Variants in KIF1B observed in about 807,000 individuals in gnomAD.
KIF1B encodes the protein kinesin-like protein KIF1B.
A neutral mutation model predicts 241.9 loss-of-function variants in KIF1B; 76 were observed. That is an observed-to-expected ratio of 0.31 (90% CI 0.26 to 0.38). The LOEUF (loss-of-function observed/expected upper bound fraction) is 0.38, where lower values mean the gene tolerates loss of function less well. KIF1B is among the 10% of genes least tolerant of loss of function. The probability of loss-of-function intolerance (pLI) is 1.00; values close to 1 mark genes in which losing one functional copy is unlikely to be tolerated. For synonymous variants in KIF1B, 750 were observed against 796.7 expected (o/e 0.94, Z 0.99); for missense variants, 1,622 against 2,271.4 (o/e 0.71, Z 5.81).
At chr1:10,248,782 T>G (rs1395587649) in intron 2 of KIF1B, among the ~76,000 whole-genome samples, 6 of 152,112 alleles carry the variant, frequency 3.9e-5, no homozygotes, top group South Asian at 2.1e-4. Context: ...AAAGTAGAAC[T>G]GATAGGATAC....
At chr1:10,267,718 T>C (rs773805754) in intron 6 of KIF1B, among the ~76,000 whole-genome samples, 160 bp downstream of exon 6, 3 of 152,120 alleles carry the variant, frequency 2.0e-5, no homozygotes, top group Non-Finnish European at 4.4e-5. Flanking sequence ...GGCTTCAGAG[T>C]GTTAAGTATC....
intron 2 of KIF1B, among the ~76,000 whole-genome samples, chr1:10,243,279 C>T (rs532378741): frequency 1.6e-4 from 25 of 152,146 alleles, no homozygotes; most frequent in Non-Finnish European, 2.2e-4. Flanking sequence ...ATTAGCTGGG[C>T]CTAGTGGCAC....
At chr1:10,307,348 C>T (rs1260352892) in intron 22 of KIF1B, 16 of 953,082 alleles carry the variant, frequency 1.7e-5, no homozygotes, top group East Asian at 7.3e-5. Context: ...CTTGCTCTGT[C>T]GCCCAGGCTG....
chr1:10,245,299 C>T (rs1425094579), intron 2 of KIF1B, among the ~76,000 whole-genome samples: 1 of 152,188 alleles, frequency 6.6e-6, no homozygotes, highest in Non-Finnish European at 1.5e-5. Flanking sequence ...AGTAGACTGT[C>T]TTAAGTCTTA....
chr1:10,319,814 G>A lies in KIF1B; in HGVS notation c.2116-229G>A, dbSNP rs561531878. On this transcript the variant is annotated intron_variant, in intron 22 of 48. Coordinates refer to ENST00000676179, the MANE Select transcript of KIF1B (RefSeq NM_001365951.3). ...GTCTTTGAGGGAGTAGAAACATACTGCAGTGAGTTTTTTCTTTTTAACATT... is the reference window on the plus strand; with the variant it reads ...GTCTTTGAGGGAGTAGAAACATACTACAGTGAGTTTTTTCTTTTTAACATT... 3.3e-5 allele frequency among the ~76,000 whole-genome samples: 5 copies of A among 152,244 alleles called. No homozygotes were observed. The East Asian group carries it at 7.7e-4, about 23-fold the overall frequency.
chr1:10,311,315 A>G (rs1223233028), intron 22 of KIF1B, among the ~76,000 whole-genome samples: 2 of 150,614 alleles, frequency 1.3e-5, no homozygotes, highest in Non-Finnish European at 2.9e-5. Flanking sequence ...TCCGGGTTCA[A>G]GTAATTCTCC....
At chr1:10,318,066 C>T (rs754476056) in intron 22 of KIF1B, among the ~76,000 whole-genome samples, 2 of 150,924 alleles carry the variant, frequency 1.3e-5, no homozygotes, top group Non-Finnish European at 2.9e-5. Flanking sequence ...AAGCCTCTTA[C>T]CAGTTTAATT....
chr1:10,360,910 CTT>C lies in KIF1B; in HGVS notation c.4056-18_4056-17del, dbSNP rs1557736611. 7 of 1,543,710 alleles carry C rather than the reference CTT, an allele frequency of 4.5e-6. No homozygotes were observed. The highest frequency in any genetic ancestry group is 1.7e-5 in the Admixed American group (1 of 59,950). On this transcript the variant is annotated splice_polypyrimidine_tract_variant and intron_variant, in intron 38 of 48. Transcript: ENST00000676179. Reference sequence around the variant, plus strand: ...TTTAGCTTCTTTTGGATGATTCCCTCTTGTCTTTCTGACCTTAGGACCTTCTA... The same window carrying C: ...TTTAGCTTCTTTTGGATGATTCCCTCGTCTTTCTGACCTTAGGACCTTCTA...
At chr1:10,334,409 A>G in intron 27 of KIF1B, 111 bp from the exon 28 acceptor site, 1 of 877,880 alleles carries the variant, frequency 1.1e-6, no homozygotes, top group South Asian at 1.3e-5. Context: ...GGGTCTTAAG[A>G]CAAGGCCAGA....
chr1:10,273,171 G>C, intron 10 of KIF1B, 140 bp downstream of exon 10: 1 of 594,302 alleles, frequency 1.7e-6, no homozygotes, highest in Non-Finnish European at 2.9e-6. Context: ...AATTTAGAGT[G>C]GCTGTAAATT....
At chr1:10,254,487 A>G (rs1347323479) in intron 2 of KIF1B, among the ~76,000 whole-genome samples, 1 of 152,210 alleles carries the variant, frequency 6.6e-6, no homozygotes, top group African/African-American at 2.4e-5. Flanking sequence ...AATCATTTAC[A>G]TACTTGTCAA....
At chr1:10,229,867 CAAAAA>C (rs58923572) in intron 1 of KIF1B, among the ~76,000 whole-genome samples, 4 of 56,454 alleles carry the variant, frequency 7.1e-5, no homozygotes, top group Admixed American at 1.9e-4. Context: ...GACTCCGTCT[CAAAAA>C]AAAAAAAAAA....
Position 10,376,628 on chromosome 1 carries a change from A to G in KIF1B, c.*41A>G. On this transcript the variant is annotated 3_prime_UTR_variant, in exon 49 of 49. Coordinates refer to ENST00000676179, the MANE Select transcript of KIF1B (RefSeq NM_001365951.3). ...GCCCTCACTCGCCTTCGAGAGATAA[A>G]GAAAGCGTTACCTCTCATTTCTCTT... The G allele has an allele frequency of 6.4e-7, 1 of 1,574,770 alleles. No individual in the cohort carries two copies. Among genetic ancestry groups the G allele is most frequent in the Non-Finnish European group, 8.7e-7 (1 of 1,144,374 alleles).
intron 34 of KIF1B, 31 bp downstream of exon 34, chr1:10,343,318 A>G (rs1557726316): frequency 6.2e-7 from 1 of 1,606,136 alleles, no homozygotes; most frequent in African/African-American, 1.3e-5. Context: ...TTGCATGATG[A>G]TCTCTTTGTG....
At position 10,324,026 on chromosome 1, in the gene KIF1B, A is replaced by G. The variant is rs753274644; in HGVS notation, c.2501A>G (p.Asn834Ser). The part of the protein sequence containing the change: ...VVAVEVQDLK[N>S]GATHYWSLEK... ...GCAGTAGAAGTCCAGGATTTGAAGA[A>G]TGGAGCAACACACTATTGGTCTTTG... Residue 834 changes from asparagine to serine, a missense_variant, in exon 25 of 49, where the codon AAT becomes AGT. Asn to Ser is a conservative substitution (Grantham distance 46). Transcript: ENST00000676179. The G allele has an allele frequency of 6.2e-7, 1 of 1,614,180 alleles. No individual in the cohort carries two copies. Among genetic ancestry groups the G allele is most frequent in the Non-Finnish European group, 8.5e-7 (1 of 1,180,032 alleles).
intron 19 of KIF1B, 102 bp downstream of exon 19, chr1:10,295,868 T>C: frequency 3.0e-6 from 3 of 1,006,788 alleles, no homozygotes; most frequent in Admixed American, 2.0e-5. Flanking sequence ...TACTTTCTTA[T>C]ACAATCTAAT....
chr1:10,345,162 GA>G (rs1182320801), intron 34 of KIF1B, among the ~76,000 whole-genome samples: 1 of 151,412 alleles, frequency 6.6e-6, no homozygotes, highest in African/African-American at 2.4e-5. Context: ...CCATAAAAAA[GA>G]AAAAAAAGCA....
intron 27 of KIF1B, among the ~76,000 whole-genome samples, chr1:10,331,366 CT>C (rs1187780243): frequency 6.6e-6 from 1 of 152,144 alleles, no homozygotes; most frequent in African/African-American, 2.4e-5. Flanking sequence ...CTTTTTAGAA[CT>C]TTTCATTCTT....
At chr1:10,246,168 A>C (rs561525807) in intron 2 of KIF1B, among the ~76,000 whole-genome samples, 1 of 152,196 alleles carries the variant, frequency 6.6e-6, no homozygotes, top group Non-Finnish European at 1.5e-5. Flanking sequence ...TCCTAAACAT[A>C]ACTATTGTTT....
Sources: gnomAD v4.1 joint callset for allele counts (sites outside exome capture counted in the v4.1 genomes callset) on GRCh38, gnomAD v4.1.1 for gene constraint, MANE v1.5 for transcripts, NCBI Gene and HGNC (gene_info 2026-07-23, HGNC 2026-07-21) for gene names.